CTNNA3: variants seen among roughly 807,000 people sequenced by gnomAD.
CTNNA3 encodes catenin alpha 3, also known as catenin alpha-3.
A neutral mutation model predicts 95.7 loss-of-function variants in CTNNA3; 76 were observed. That is an observed-to-expected ratio of 0.79 (90% confidence interval 0.66 to 0.96). CTNNA3 has a LOEUF of 0.96. CTNNA3 is among the 40% of genes least tolerant of loss of function. The pLI, the probability that CTNNA3 is intolerant of heterozygous loss-of-function variation, is 0.00. For synonymous variants in CTNNA3, 431 were observed against 374.4 expected (o/e 1.15, Z -1.74); for missense variants, 1,191 against 1,089.8 (o/e 1.09, Z -1.31).
intron 10 of CTNNA3, among the ~76,000 whole-genome samples, chr10:66,584,251 T>C (rs143012678): frequency 1.8e-3 from 268 of 152,044 alleles, no homozygotes; most frequent in African/African-American, 5.8e-3. Flanking sequence ...TCTGCTTTGA[T>C]GATCTCTCTA....
chr10:66,440,412 A>G (rs868263135), intron 11 of CTNNA3, among the ~76,000 whole-genome samples: 1 of 152,206 alleles, frequency 6.6e-6, no homozygotes, highest in South Asian at 2.1e-4. Context: ...TAAACACCAT[A>G]TGTGCTATAT....
intron 5 of CTNNA3, among the ~76,000 whole-genome samples, chr10:67,398,216 T>C (rs767769763): frequency 1.8e-4 from 28 of 152,156 alleles, no homozygotes; most frequent in Non-Finnish European, 3.1e-4. Flanking sequence ...AGGGTTGCTA[T>C]ACCCTGAAAA....
Position 65,920,534 on chromosome 10 carries a change from G to A in CTNNA3, c.2484C>T (p.Ala828=). 10 of 1,614,124 alleles carry A rather than the reference G, an allele frequency of 6.2e-6. No homozygotes were observed. The highest frequency in any genetic ancestry group is 8.5e-6 in the Non-Finnish European group (10 of 1,180,024). The change falls in exon 18 of 18, where the codon GCC becomes GCT. Residue 828 remains alanine (A), a synonymous_variant. Transcript: ENST00000433211. ...TCTGGATTCGGATGATCTTGGTTGA[G>A]GCAATGTAAGACATTTTCACTGTTT... ...VVQTVKMSYI[A]STKIIRIQSP... is the part of the protein sequence containing the mutation.
At chr10:67,287,164 C>T (rs551404243) in intron 5 of CTNNA3, among the ~76,000 whole-genome samples, 19 of 151,410 alleles carry the variant, frequency 1.3e-4, no homozygotes, top group Non-Finnish European at 2.4e-4. Flanking sequence ...AAGGCAAAAC[C>T]CCATCTCTAC....
At chr10:66,510,828 C>T (rs148865669) in intron 11 of CTNNA3, among the ~76,000 whole-genome samples, 2 of 151,906 alleles carry the variant, frequency 1.3e-5, no homozygotes, top group Admixed American at 6.6e-5. Flanking sequence ...CTATCTTCAT[C>T]AGACATATTG....
At chr10:66,779,419 C>T (rs539731850) in intron 7 of CTNNA3, among the ~76,000 whole-genome samples, 1 of 152,178 alleles carries the variant, frequency 6.6e-6, no homozygotes, top group East Asian at 1.9e-4. Flanking sequence ...TGCAGTAGTG[C>T]CATCTCGGCT....
intron 1 of CTNNA3, among the ~76,000 whole-genome samples, chr10:67,666,711 C>T (rs1840337142): frequency 6.6e-6 from 1 of 152,154 alleles, no homozygotes; most frequent in Non-Finnish European, 1.5e-5. Context: ...AACTGGGACA[C>T]ATCATCTCAA....
chr10:66,845,707 A>AAAATAAATAAATAAATAAAT (rs1470360122), intron 7 of CTNNA3, among the ~76,000 whole-genome samples: 2 of 61,196 alleles, frequency 3.3e-5, no homozygotes, highest in African/African-American at 9.5e-5. Context: ...CTGTCTCAAA[A>AAAATAAATAAATAAATAAAT]AAAAAAAAAA....
At chr10:66,406,961 T>C (rs1048131436) in intron 11 of CTNNA3, among the ~76,000 whole-genome samples, 7 of 152,192 alleles carry the variant, frequency 4.6e-5, no homozygotes, top group Non-Finnish European at 1.0e-4. Context: ...AATAAAATTT[T>C]CTTTCAAAGG....
At chr10:66,596,217 C>T (rs1843709011) in intron 10 of CTNNA3, among the ~76,000 whole-genome samples, 1 of 152,044 alleles carries the variant, frequency 6.6e-6, no homozygotes, top group Non-Finnish European at 1.5e-5. Context: ...GGCCATAAAT[C>T]CCACTGGCTG....
intron 17 of CTNNA3, among the ~76,000 whole-genome samples, chr10:65,936,848 C>T (rs535231646): frequency 2.6e-5 from 4 of 152,006 alleles, no homozygotes; most frequent in African/African-American, 7.2e-5. Context: ...ATGACAATTA[C>T]ATAAATTATA....
At chr10:66,241,083 A>G (rs2090084462) in intron 13 of CTNNA3, among the ~76,000 whole-genome samples, 1 of 152,148 alleles carries the variant, frequency 6.6e-6, no homozygotes, top group South Asian at 2.1e-4. Flanking sequence ...GAGCCCTTCA[A>G]ACTCATTCAT....
intron 9 of CTNNA3, among the ~76,000 whole-genome samples, chr10:66,765,013 G>T (rs1238722606): frequency 3.9e-5 from 6 of 152,120 alleles, no homozygotes; most frequent in Admixed American, 6.6e-5. Context: ...AATTGAAATT[G>T]TAACACTTGC....
intron 11 of CTNNA3, among the ~76,000 whole-genome samples, chr10:66,404,254 A>G (rs1589200721): frequency 2.6e-5 from 4 of 152,074 alleles, no homozygotes; most frequent in African/African-American, 9.7e-5. Flanking sequence ...CTTGACCACC[A>G]AATTGTCCAT....
intron 13 of CTNNA3, among the ~76,000 whole-genome samples, chr10:66,155,686 T>C (rs1589578369): frequency 1.3e-5 from 2 of 151,808 alleles, no homozygotes; most frequent in African/African-American, 4.8e-5. Flanking sequence ...TCTCACACCA[T>C]ACACAAAAGT....
chr10:66,147,788 G>GTATGTATAC (rs1487554993), intron 13 of CTNNA3, among the ~76,000 whole-genome samples: 6 of 80 alleles, frequency 0.075, no homozygotes, highest in Admixed American at 0.36. Flanking sequence ...TGTATAGTAT[G>GTATGTATAC]TATGTATAGT....
chr10:67,729,009 T>C (rs757482219), intron 1 of CTNNA3, among the ~76,000 whole-genome samples: 3 of 152,098 alleles, frequency 2.0e-5, no homozygotes, highest in Non-Finnish European at 4.4e-5. Context: ...ACAAAGTAAA[T>C]GAAAAATGGT....
chr10:67,097,311 A>G (rs925646015), intron 7 of CTNNA3, among the ~76,000 whole-genome samples: 1 of 151,924 alleles, frequency 6.6e-6, no homozygotes, highest in African/African-American at 2.4e-5. Context: ...GACTGTTCCA[A>G]TAAATCTTTT....
chr10:66,661,556 G>T (rs1010810055), intron 9 of CTNNA3, among the ~76,000 whole-genome samples: 2 of 151,956 alleles, frequency 1.3e-5, no homozygotes, highest in Non-Finnish European at 2.9e-5. Flanking sequence ...AATTTCATAA[G>T]GCAGAAGAAG....
Sources: gnomAD v4.1 joint callset for allele counts (sites outside exome capture counted in the v4.1 genomes callset) on GRCh38, gnomAD v4.1.1 for gene constraint, MANE v1.5 for transcripts, NCBI Gene and HGNC (gene_info 2026-07-23, HGNC 2026-07-21) for gene names.